Variants in XPO6 observed in about 807,000 individuals in gnomAD.
The protein encoded by XPO6 is exportin-6.
XPO6 carries 3 observed loss-of-function variants against 130.0 expected under a neutral mutation model. That is an observed-to-expected ratio of 0.02 (90% confidence interval 0.01 to 0.06). The LOEUF (loss-of-function observed/expected upper bound fraction) is 0.06. Among genes scored for constraint, XPO6 ranks in the 10% least tolerant of loss-of-function variants. The pLI, the probability that XPO6 is intolerant of heterozygous loss-of-function variation, is 1.00. For synonymous variants in XPO6, 524 were observed against 548.9 expected (o/e 0.95, Z 0.63); for missense variants, 970 against 1,393.0 (o/e 0.70, Z 4.83).
At chr16:28,104,513 A>G in intron 21 of XPO6, 33 bp downstream of exon 21, 1 of 1,612,348 alleles carries the variant, frequency 6.2e-7, no homozygotes, top group Non-Finnish European at 8.5e-7. Flanking sequence ...GGTTAGAGGA[A>G]GTCACCTGGC....
At chr16:28,108,907 G>A (rs918082471) in intron 17 of XPO6, among the ~76,000 whole-genome samples, 2 of 152,194 alleles carry the variant, frequency 1.3e-5, no homozygotes, top group Non-Finnish European at 2.9e-5. Flanking sequence ...GAAGGAAGAC[G>A]CTTCTCGCCA....
intron 1 of XPO6, among the ~76,000 whole-genome samples, chr16:28,207,926 C>T (rs1275701021): frequency 6.6e-6 from 1 of 152,178 alleles, no homozygotes; most frequent in Non-Finnish European, 1.5e-5. Context: ...GAGTGGATCA[C>T]CTGAGGTCAG....
At chr16:28,190,008 T>C (rs1231387646) in intron 1 of XPO6, among the ~76,000 whole-genome samples, 1 of 152,194 alleles carries the variant, frequency 6.6e-6, no homozygotes, top group Admixed American at 6.5e-5. Context: ...CTGCCGGGTG[T>C]CTGGGCCAGG....
chr16:28,154,256 A>T (rs937792776), intron 7 of XPO6: 13 of 54,110 alleles, frequency 2.4e-4, no homozygotes, highest in South Asian at 2.3e-3. Flanking sequence ...CTACCCATTT[A>T]AAAAAAAAAA....
At chr16:28,114,633 A>C (rs567588938) in intron 15 of XPO6, among the ~76,000 whole-genome samples, 16 of 152,236 alleles carry the variant, frequency 1.1e-4, no homozygotes, top group Admixed American at 9.2e-4. Context: ...CTTCCTTGAA[A>C]GTGACTGCTG....
At chr16:28,148,254 T>G (rs2043020303) in intron 8 of XPO6, among the ~76,000 whole-genome samples, 1 of 152,206 alleles carries the variant, frequency 6.6e-6, no homozygotes, top group South Asian at 2.1e-4. Flanking sequence ...TGCTCAAGGC[T>G]GGGGGAAAGG....
At chr16:28,125,661 C>A (rs2087380701) in intron 13 of XPO6, 28 bp downstream of exon 13, 1 of 1,604,140 alleles carries the variant, frequency 6.2e-7, no homozygotes. Context: ...GAAGAAGGAA[C>A]AGCTCCATAA....
intron 21 of XPO6, among the ~76,000 whole-genome samples, chr16:28,103,786 T>G (rs1462034188): frequency 1.3e-5 from 2 of 152,108 alleles, no homozygotes; most frequent in African/African-American, 4.8e-5. Flanking sequence ...AGTATGTGTG[T>G]GTGTGCGCGC....
At chr16:28,149,653 C>T (rs2043050999) in intron 8 of XPO6, among the ~76,000 whole-genome samples, 1 of 152,160 alleles carries the variant, frequency 6.6e-6, no homozygotes, top group African/African-American at 2.4e-5. Context: ...TTGTGGCCTA[C>T]ACCACCTAGC....
intron 4 of XPO6, among the ~76,000 whole-genome samples, chr16:28,170,816 G>C (rs1238229054): frequency 6.6e-6 from 1 of 152,090 alleles, no homozygotes; most frequent in Non-Finnish European, 1.5e-5. Flanking sequence ...CCATAAGAAA[G>C]TTTAACTAAA....
chr16:28,099,200 G>A (rs2086600196), intron 23 of XPO6, among the ~76,000 whole-genome samples: 1 of 152,194 alleles, frequency 6.6e-6, no homozygotes, highest in Admixed American at 6.5e-5. Flanking sequence ...CAGTCCCAAG[G>A]CCTGTCCCAC....
chr16:28,211,475 C>A lies in XPO6; in HGVS notation c.-107G>T. On this transcript the variant is annotated 5_prime_UTR_variant, in exon 1 of 24. Transcript: ENST00000304658. ...CCGGCAGACTCGGGAAGTCCCCCAC[C>A]CATGCAAAGACAACCCCTTCCCCAC... is the stretch of plus-strand genomic sequence containing the variant. 1 of 1,244,174 alleles carries A rather than the reference C, an allele frequency of 8.0e-7. No homozygotes were observed. The highest frequency in any genetic ancestry group is 1.0e-6 in the Non-Finnish European group (1 of 971,886). 77.1% of individuals were successfully genotyped at this position (1,244,174 alleles called of 1,614,324 possible).
chr16:28,141,053 G>A (rs1476593307), intron 9 of XPO6, among the ~76,000 whole-genome samples: 2 of 152,212 alleles, frequency 1.3e-5, no homozygotes, highest in Non-Finnish European at 2.9e-5. Flanking sequence ...CTAGAGCTCT[G>A]ATCTAAACCT....
At chr16:28,118,533 G>A (rs912120850) in intron 14 of XPO6, among the ~76,000 whole-genome samples, 7 of 152,006 alleles carry the variant, frequency 4.6e-5, no homozygotes, top group South Asian at 2.1e-4. Flanking sequence ...GCTAATTGTC[G>A]TATTTTTTGT....
chr16:28,133,374 TTGAAGAAG>T (rs2042712717), intron 11 of XPO6, among the ~76,000 whole-genome samples: 3 of 151,750 alleles, frequency 2.0e-5, no homozygotes, highest in African/African-American at 7.3e-5. Flanking sequence ...CTGCCTTGCC[TTGAAGAAG>T]TGATGAATTT....
intron 18 of XPO6, 80 bp downstream of exon 18, chr16:28,107,442 A>G: frequency 6.6e-7 from 1 of 1,523,892 alleles, no homozygotes; most frequent in South Asian, 1.1e-5. Flanking sequence ...GCACCGACTC[A>G]GTGTGTTCTA....
intron 23 of XPO6, among the ~76,000 whole-genome samples, chr16:28,099,144 C>A (rs2086597771): frequency 6.6e-6 from 1 of 152,188 alleles, no homozygotes; most frequent in Admixed American, 6.5e-5. Flanking sequence ...CCACGGGGCT[C>A]CAGGCCGCCC....
chr16:28,132,353 A>C lies in XPO6; in HGVS notation c.1587T>G (p.Phe529Leu). The C allele has an allele frequency of 6.2e-7, 1 of 1,609,196 alleles. No individual in the cohort carries two copies. The highest frequency in any genetic ancestry group is 1.7e-5 in the Admixed American group (1 of 59,284). The change falls in exon 12 of 24, where the codon TTT becomes TTG. Residue 529 changes from phenylalanine to leucine, a missense_variant. By Grantham distance (22) the Phe-to-Leu change is conservative. This residue lies in a region of XPO6 where 936 missense variants were observed against 1,306.8 expected (regional missense o/e 0.72). Coordinates refer to ENST00000304658, the MANE Select transcript of XPO6 (RefSeq NM_015171.4). The surrounding 1 kb of genome is among the most constrained non-coding windows in gnomAD (Gnocchi z 4.0). ...NLEVYLGLQQFIVTSGSGHRL... is the reference protein window; with the variant it reads ...NLEVYLGLQQLIVTSGSGHRL... The stretch of plus-strand genomic sequence containing the variant: ...GTTTACCTGACCCTGAAGTGACTAT[A>C]AACTGTTGTAATCCCAAATAAACTT...
intron 13 of XPO6, among the ~76,000 whole-genome samples, chr16:28,124,058 CT>C (rs5816463): frequency 0.054 from 7,505 of 138,186 alleles, 427 homozygotes; most frequent in East Asian, 0.17. Flanking sequence ...ACAGATATAC[CT>C]TTTTTTTTTT....
Sources: gnomAD v4.1 joint callset for allele counts (sites outside exome capture counted in the v4.1 genomes callset) on GRCh38, gnomAD v4.1.1 for gene constraint, gnomAD v4.1.1 regional missense constraint, Gnocchi (gnomAD v3.1) non-coding constraint, MANE v1.5 for transcripts, NCBI Gene and HGNC (gene_info 2026-07-23, HGNC 2026-07-21) for gene names.